The following PCCA variants were observed in gnomAD, a reference collection of about 807,000 sequenced individuals.
PCCA encodes propionyl-CoA carboxylase subunit alpha.
In PCCA, 74 loss-of-function variants were observed where a neutral mutation model predicts 101.3. That is an observed-to-expected ratio of 0.73 (90% CI 0.61 to 0.89). The LOEUF is 0.89. PCCA is among the 40% of genes least tolerant of loss of function. The pLI, the probability that PCCA is intolerant of heterozygous loss-of-function variation, is 0.00. For missense variants in PCCA, 891 were observed against 907.0 expected, an observed-to-expected ratio of 0.98 and a Z score of 0.23; for synonymous variants, 294 against 313.6, an observed-to-expected ratio of 0.94 and a Z score of 0.66.
intron 21 of PCCA, among the ~76,000 whole-genome samples, chr13:100,501,189 G>C (rs1289779450): frequency 6.6e-6 from 1 of 152,116 alleles, no homozygotes; most frequent in Admixed American, 6.5e-5. Context: ...TTTCTACCTA[G>C]AACAAGAGTC....
intron 6 of PCCA, among the ~76,000 whole-genome samples, chr13:100,192,046 A>C (rs2057777660): frequency 6.6e-6 from 1 of 152,212 alleles, no homozygotes; most frequent in Admixed American, 6.5e-5. Flanking sequence ...TGGAGGAAGC[A>C]ATTCTCTGAA....
chr13:100,103,084 C>T (rs1204183383), intron 2 of PCCA, 124 bp downstream of exon 2: 2 of 697,480 alleles, frequency 2.9e-6, no homozygotes, highest in Non-Finnish European at 5.2e-6. Flanking sequence ...ATTGATCACT[C>T]TAGCATTGTG....
At chr13:100,373,901 C>T (rs1487745127) in intron 19 of PCCA, among the ~76,000 whole-genome samples, 1 of 152,066 alleles carries the variant, frequency 6.6e-6, no homozygotes, top group Non-Finnish European at 1.5e-5. Flanking sequence ...CACCTGAGGT[C>T]AGGAGTTCGA....
Position 100,291,103 on chromosome 13 carries a change from C to G in PCCA, c.1066-10357C>G, listed in dbSNP as rs188410955. Among the ~76,000 whole-genome samples the G allele has an allele frequency of 1.9e-4, 29 of 152,212 alleles. No homozygotes were observed. In the East Asian group the frequency reaches 2.1e-3, roughly 11 times the overall value. On this transcript the variant is annotated intron_variant, in intron 12 of 23. Coordinates refer to ENST00000376285, the MANE Select transcript of PCCA (RefSeq NM_000282.4). ...TTTACATTGTATTACTATAAGTAATCTAGAGATGATTTAAAGTATACGGAA... is the reference window on the plus strand; with the variant it reads ...TTTACATTGTATTACTATAAGTAATGTAGAGATGATTTAAAGTATACGGAA...
intron 23 of PCCA, 63 bp downstream of exon 23, chr13:100,527,815 A>C: frequency 1.6e-6 from 2 of 1,222,546 alleles, no homozygotes; most frequent in Non-Finnish European, 2.4e-6. Context: ...CCACCTTTGA[A>C]TCGTGGGTGG....
intron 1 of PCCA, among the ~76,000 whole-genome samples, chr13:100,095,887 G>A (rs939726833): frequency 6.6e-6 from 1 of 152,148 alleles, no homozygotes; most frequent in Non-Finnish European, 1.5e-5. Flanking sequence ...TGACTAGTAC[G>A]TAGCGAATGT....
In PCCA at chr13:100,301,581, T is replaced by A. The variant is rs1555411216; in HGVS notation, c.1187T>A (p.Val396Asp). The change falls in exon 13 of 24, where the codon GTT (valine) becomes GAT (aspartate). Residue 396 changes from valine to aspartate, a missense_variant. Coordinates refer to ENST00000376285, the MANE Select transcript of PCCA (RefSeq NM_000282.4). ...QADIRINGWA[V>D]ECRVYAEDPY... is the part of the protein sequence containing the mutation. ...GATATTCGCATCAACGGCTGGGCAG[T>A]TGAATGTCGGGTTTATGCTGAGGTA... The A allele has an allele frequency of 6.2e-7, 1 of 1,614,044 alleles. No individual in the cohort carries two copies. The highest frequency in any genetic ancestry group is 2.2e-5 in the East Asian group (1 of 44,872).
rs551516148 is a variant in PCCA at position 100,206,479 on chromosome 13, C to T, written c.469-2853C>T. 4.6e-5 allele frequency among the ~76,000 whole-genome samples: 7 copies of T among 152,236 alleles called. No homozygotes were observed. The South Asian group carries it at 1.5e-3, about 32-fold the overall frequency. On this transcript the variant is annotated intron_variant, in intron 6 of 23. Coordinates refer to ENST00000376285, the MANE Select transcript of PCCA (RefSeq NM_000282.4). ...GCCACTATGTTGGTCAGGCTGGTCT[C>T]AAACTCCTGACCTCAGGTGATCTGC...
intron 12 of PCCA, among the ~76,000 whole-genome samples, chr13:100,296,495 A>G (rs1474414632): frequency 6.6e-6 from 1 of 151,072 alleles, no homozygotes; most frequent in East Asian, 2.0e-4. Flanking sequence ...CAAGATATCC[A>G]CCTGGGTTTT....
chr13:100,114,429 C>A (rs2048602995), intron 4 of PCCA, among the ~76,000 whole-genome samples: 1 of 151,700 alleles, frequency 6.6e-6, no homozygotes, highest in South Asian at 2.1e-4. Context: ...ATGGTGAAAC[C>A]CTGTCTCTAC....
At chr13:100,323,752 A>C (rs2068327799) in intron 16 of PCCA, among the ~76,000 whole-genome samples, 1 of 152,258 alleles carries the variant, frequency 6.6e-6, no homozygotes, top group Non-Finnish European at 1.5e-5. Flanking sequence ...CCCATATAAC[A>C]GGATAGTAAT....
At chr13:100,185,401 G>A (rs2057167147) in intron 6 of PCCA, among the ~76,000 whole-genome samples, 1 of 151,674 alleles carries the variant, frequency 6.6e-6, no homozygotes, top group Non-Finnish European at 1.5e-5. Flanking sequence ...CCAGGCTGGA[G>A]TGCAGTGGTA....
intron 6 of PCCA, among the ~76,000 whole-genome samples, chr13:100,182,957 A>C (rs377507007): frequency 6.6e-6 from 1 of 152,090 alleles, no homozygotes; most frequent in South Asian, 2.1e-4. Flanking sequence ...AATCAGACTA[A>C]CTCTGCCACC....
At chr13:100,369,925 A>G (rs2075454455) in intron 19 of PCCA, among the ~76,000 whole-genome samples, 1 of 152,150 alleles carries the variant, frequency 6.6e-6, no homozygotes, top group Admixed American at 6.5e-5. Flanking sequence ...TAACTTTACA[A>G]AAATGTAGAG....
intron 16 of PCCA, among the ~76,000 whole-genome samples, chr13:100,325,991 T>A (rs2068632099): frequency 6.6e-6 from 1 of 152,290 alleles, no homozygotes; most frequent in East Asian, 1.9e-4. Context: ...TCAGGCTCAT[T>A]ATACACAGAG....
chr13:100,491,583 G>T, intron 21 of PCCA: 2 of 974,250 alleles, frequency 2.1e-6, no homozygotes, highest in African/African-American at 1.7e-5. Context: ...TGTTGCCCTT[G>T]GGATAGAGGT....
rs756676269 is a variant in PCCA, at chr13:100,103,027, A to C, written c.183+67A>C. The C allele has an allele frequency of 1.3e-4, 135 of 1,026,526 alleles. 2 individuals are homozygous for C. In the South Asian group the frequency reaches 1.7e-3, roughly 13 times the overall value. The allele number at this position is 1,026,526 out of a possible 1,614,324, so 63.6% of individuals were successfully genotyped here. On this transcript the variant is annotated intron_variant, in intron 2 of 23. Coordinates refer to ENST00000376285, the MANE Select transcript of PCCA (RefSeq NM_000282.4). ...ATCATGGTTTTACTTTCTCGTCTCC[A>C]CACTGTGTTCAGTGGACAGATGAGA...
intron 18 of PCCA, among the ~76,000 whole-genome samples, chr13:100,359,712 A>G (rs1419178743): frequency 6.6e-6 from 1 of 152,232 alleles, no homozygotes; most frequent in Non-Finnish European, 1.5e-5. Context: ...AGTCTGCCAT[A>G]CAATGAATAA....
intron 6 of PCCA, among the ~76,000 whole-genome samples, chr13:100,184,012 T>C (rs11840848): frequency 0.024 from 3,725 of 152,146 alleles, 171 homozygotes; most frequent in African/African-American, 0.085. Flanking sequence ...ACTGGGTAAT[T>C]TATAAGAAAA....
Sources: allele counts gnomAD v4.1 joint callset (sites outside exome capture counted in the v4.1 genomes callset), GRCh38; gene constraint gnomAD v4.1.1; transcripts MANE v1.5; gene names NCBI Gene and HGNC (gene_info 2026-07-23, HGNC 2026-07-21).